TENM3: variants seen among roughly 807,000 people sequenced by gnomAD.
TENM3 encodes teneurin-3.
A neutral mutation model predicts 255.1 loss-of-function variants in TENM3; 63 were observed. The ratio of observed to expected loss-of-function variants is 0.25; its 90% CI spans 0.20 to 0.30. The LOEUF (loss-of-function observed/expected upper bound fraction) is 0.30, where lower values mean the gene tolerates loss of function less well. TENM3 is among the 10% of genes least tolerant of loss of function. The pLI, the probability that TENM3 is intolerant of heterozygous loss-of-function variation, is 1.00. For synonymous variants in TENM3, 1,306 were observed against 1,322.3 expected (o/e 0.99, Z 0.27); for missense variants, 2,929 against 3,461.1 (o/e 0.85, Z 3.86).
chr4:181,594,781 T>G, the TENM3 span, among the ~76,000 whole-genome samples: 1 of 152,094 alleles, frequency 6.6e-6, no homozygotes, highest in African/African-American at 2.4e-5. Context: ...CATCCAAAAT[T>G]TAACATGGCC....
At chr4:181,870,080 G>A in the TENM3 span, among the ~76,000 whole-genome samples, 10 of 152,220 alleles carry the variant, frequency 6.6e-5, no homozygotes, top group South Asian at 1.0e-3. Context: ...ATCATGCAAC[G>A]TGTGCATTTC....
chr4:182,276,112 G>A (rs1759983940), intron 1 of TENM3, among the ~76,000 whole-genome samples: 1 of 152,156 alleles, frequency 6.6e-6, no homozygotes, highest in African/African-American at 2.4e-5. Flanking sequence ...TTTAAAGAGG[G>A]GGCTGGCCAG....
the TENM3 span, among the ~76,000 whole-genome samples, chr4:181,802,431 T>C: frequency 1.3e-5 from 2 of 152,188 alleles, no homozygotes; most frequent in Non-Finnish European, 1.5e-5. Context: ...ATACTTCTTA[T>C]CATGATCATT....
At chr4:181,760,592 G>A in the TENM3 span, among the ~76,000 whole-genome samples, 4 of 152,066 alleles carry the variant, frequency 2.6e-5, no homozygotes, top group Non-Finnish European at 4.4e-5. Context: ...ACTTCAATCA[G>A]TCCCAATCCA....
intron 3 of TENM3, among the ~76,000 whole-genome samples, chr4:182,499,153 T>C (rs1352656791): frequency 6.6e-6 from 1 of 152,196 alleles, no homozygotes; most frequent in Non-Finnish European, 1.5e-5. Context: ...GATTTGGTAG[T>C]AGAAACATTC....
chr4:182,510,239 G>A (rs1379680425), intron 3 of TENM3, among the ~76,000 whole-genome samples: 1 of 152,150 alleles, frequency 6.6e-6, no homozygotes, highest in Non-Finnish European at 1.5e-5. Flanking sequence ...CAATCACTGT[G>A]TTTCTTAGAA....
chr4:182,640,293 A>C (rs1471041539), intron 5 of TENM3, among the ~76,000 whole-genome samples: 1 of 152,236 alleles, frequency 6.6e-6, no homozygotes, highest in Non-Finnish European at 1.5e-5. Context: ...GGTGATCGGC[A>C]CATTTTTACC....
At chr4:181,641,698 A>ACT in the TENM3 span, among the ~76,000 whole-genome samples, 1 of 63,824 alleles carries the variant, frequency 1.6e-5, no homozygotes, top group Non-Finnish European at 3.4e-5. Flanking sequence ...TATAATGTAT[A>ACT]ATATATATAT....
the TENM3 span, among the ~76,000 whole-genome samples, chr4:182,095,235 A>G: frequency 6.6e-6 from 1 of 152,216 alleles, no homozygotes; most frequent in African/African-American, 2.4e-5. Flanking sequence ...CCCATGTTTA[A>G]TGCAGTACAA....
At chr4:182,603,339 T>G (rs956276163) in intron 4 of TENM3, among the ~76,000 whole-genome samples, 4 of 152,212 alleles carry the variant, frequency 2.6e-5, no homozygotes, top group African/African-American at 9.6e-5. Context: ...ACCGCTGATA[T>G]GATCTCACTA....
intron 3 of TENM3, among the ~76,000 whole-genome samples, chr4:182,430,688 A>T: frequency 6.6e-6 from 1 of 152,098 alleles, no homozygotes; most frequent in East Asian, 1.9e-4. Flanking sequence ...TCGATCACAA[A>T]GCAGAGATCT....
intron 1 of TENM3, among the ~76,000 whole-genome samples, chr4:182,278,898 A>G (rs567476847): frequency 1.3e-5 from 2 of 152,300 alleles, no homozygotes; most frequent in African/African-American, 4.8e-5. Context: ...TTGTGCTGAA[A>G]CGAACAGCAC....
At chr4:181,854,857 G>T in the TENM3 span, among the ~76,000 whole-genome samples, 1 of 152,154 alleles carries the variant, frequency 6.6e-6, no homozygotes, top group East Asian at 1.9e-4. Context: ...CCAAAAGGCC[G>T]CCTTCTCAGA....
At chr4:181,720,977 G>A in the TENM3 span, among the ~76,000 whole-genome samples, 1 of 152,074 alleles carries the variant, frequency 6.6e-6, no homozygotes, top group Non-Finnish European at 1.5e-5. Flanking sequence ...TGCCAAAACA[G>A]GGCCTGCCAG....
intron 13 of TENM3, among the ~76,000 whole-genome samples, chr4:182,716,587 G>A (rs1206163226): frequency 6.6e-6 from 1 of 152,130 alleles, no homozygotes. Flanking sequence ...TTGTAACCTG[G>A]ATGCTTTATA....
chr4:182,016,906 A>T, the TENM3 span, among the ~76,000 whole-genome samples: 2 of 152,232 alleles, frequency 1.3e-5, no homozygotes, highest in African/African-American at 4.8e-5. Flanking sequence ...AACAATTCAA[A>T]ATAATTTAAA....
the TENM3 span, among the ~76,000 whole-genome samples, chr4:181,778,794 C>G: frequency 6.6e-6 from 1 of 152,104 alleles, no homozygotes; most frequent in Admixed American, 6.6e-5. Context: ...GCTGCTGGAA[C>G]CTTTTCTTGT....
intron 1 of TENM3, among the ~76,000 whole-genome samples, chr4:182,174,295 T>C (rs1349752091): frequency 6.6e-6 from 1 of 151,830 alleles, no homozygotes; most frequent in East Asian, 1.9e-4. Flanking sequence ...CTATTAGAAA[T>C]GTAATTTATA....
At chr4:181,984,111 A>G in the TENM3 span, among the ~76,000 whole-genome samples, 1 of 151,852 alleles carries the variant, frequency 6.6e-6, no homozygotes, top group Non-Finnish European at 1.5e-5. Flanking sequence ...TGGGACTCCT[A>G]AAGCTTCCTG....
Sources: gnomAD v4.1 joint callset for allele counts (sites outside exome capture counted in the v4.1 genomes callset) on GRCh38, gnomAD v4.1.1 for gene constraint, MANE v1.5 for transcripts, NCBI Gene and HGNC (gene_info 2026-07-23, HGNC 2026-07-21) for gene names.